PPP3CA: variants seen among roughly 807,000 people sequenced by gnomAD.
PPP3CA encodes the protein protein phosphatase 3 catalytic subunit alpha, also known as CAM-PRP catalytic subunit.
In PPP3CA, 14 loss-of-function variants were observed where a neutral mutation model predicts 66.5. The ratio of observed to expected loss-of-function variants is 0.21; its 90% confidence interval spans 0.14 to 0.33. The LOEUF is 0.33. Among genes scored for constraint, PPP3CA ranks in the 10% least tolerant of loss-of-function variants. The probability of loss-of-function intolerance (pLI) is 1.00; values close to 1 mark genes in which losing one functional copy is unlikely to be tolerated. For missense variants in PPP3CA, 317 were observed against 639.5 expected (o/e 0.50, Z 5.44); for synonymous variants, 232 against 226.2 (o/e 1.03, Z -0.23).
chr4:101,333,406 A>G (rs1167618824), intron 1 of PPP3CA, among the ~76,000 whole-genome samples: 1 of 148,676 alleles, frequency 6.7e-6, no homozygotes, highest in Non-Finnish European at 1.5e-5. Context: ...GATTACAGGC[A>G]TGAGCCACTG....
chr4:101,265,925 G>GA (rs938296977), intron 1 of PPP3CA, among the ~76,000 whole-genome samples: 9 of 150,886 alleles, frequency 6.0e-5, no homozygotes, highest in South Asian at 2.1e-4. Context: ...GCTCTACCTA[G>GA]AAAAAAAAAG....
At chr4:101,263,363 G>A (rs1727065363) in intron 1 of PPP3CA, among the ~76,000 whole-genome samples, 1 of 152,052 alleles carries the variant, frequency 6.6e-6, no homozygotes, top group Non-Finnish European at 1.5e-5. Flanking sequence ...CTAAGAGTGG[G>A]GTCTAGGCAT....
chr4:101,102,653 A>G (rs1730498491), intron 3 of PPP3CA, among the ~76,000 whole-genome samples: 1 of 152,204 alleles, frequency 6.6e-6, no homozygotes, highest in Non-Finnish European at 1.5e-5. Context: ...AACATTCTGA[A>G]GAACTGAAGA....
At chr4:101,148,968 A>G (rs753934674) in intron 2 of PPP3CA, among the ~76,000 whole-genome samples, 9 of 152,174 alleles carry the variant, frequency 5.9e-5, no homozygotes, top group Non-Finnish European at 2.9e-5. Context: ...ATTCTTTACT[A>G]GCATGCCATA....
chr4:101,095,635 G>GT (rs1730162241), intron 5 of PPP3CA, among the ~76,000 whole-genome samples: 1 of 152,170 alleles, frequency 6.6e-6, no homozygotes, highest in African/African-American at 2.4e-5. Context: ...GAATGAGCTA[G>GT]TTATATTCAT....
At chr4:101,039,637 T>C (rs1367052563) in intron 11 of PPP3CA, among the ~76,000 whole-genome samples, 1 of 144,070 alleles carries the variant, frequency 6.9e-6, no homozygotes, top group Non-Finnish European at 1.6e-5. Flanking sequence ...GTCATTCAGT[T>C]ACTCTTTAGT....
intron 1 of PPP3CA, among the ~76,000 whole-genome samples, chr4:101,229,207 A>G (rs924082899): frequency 6.6e-5 from 10 of 150,502 alleles, no homozygotes; most frequent in African/African-American, 2.2e-4. Context: ...TGAACACGAC[A>G]AGTGTAATAC....
rs553896428 is a variant in PPP3CA at position 101,115,240 on chromosome 4, T to C, written c.260-6162A>G. On this transcript the variant is annotated intron_variant, in intron 2 of 13. Transcript: ENST00000394854. The stretch of plus-strand genomic sequence containing the variant: ...AGTCTAAGAATCCCTAAAACCAGTG[T>C]GCTTCTAAGTAGAGAAGATAATAGC... Among the ~76,000 whole-genome samples, 8 of 152,076 alleles carry C rather than the reference T, an allele frequency of 5.3e-5. No homozygotes were observed. The South Asian group carries it at 1.7e-3, about 32-fold the overall frequency.
chr4:101,285,371 A>G (rs1727806807), intron 1 of PPP3CA, among the ~76,000 whole-genome samples: 1 of 151,874 alleles, frequency 6.6e-6, no homozygotes, highest in African/African-American at 2.4e-5. Context: ...CCTGCTAAAT[A>G]GATTTACATC....
At chr4:101,133,004 G>C (rs1268670985) in intron 2 of PPP3CA, among the ~76,000 whole-genome samples, 3 of 152,044 alleles carry the variant, frequency 2.0e-5, no homozygotes, top group Non-Finnish European at 4.4e-5. Context: ...AAAACCACAT[G>C]ATTATTTCAA....
chr4:101,249,851 A>C (rs964215557), intron 1 of PPP3CA, among the ~76,000 whole-genome samples: 8 of 152,130 alleles, frequency 5.3e-5, no homozygotes, highest in African/African-American at 1.9e-4. Flanking sequence ...ATATTATTTT[A>C]TATTTTGAAG....
chr4:101,129,701 C>G (rs930687792), intron 2 of PPP3CA, among the ~76,000 whole-genome samples: 1 of 152,194 alleles, frequency 6.6e-6, no homozygotes, highest in African/African-American at 2.4e-5. Flanking sequence ...ATAGCATCAA[C>G]ATCAACAAAA....
At chr4:101,335,250 T>C (rs1040372561) in intron 1 of PPP3CA, among the ~76,000 whole-genome samples, 27 of 151,968 alleles carry the variant, frequency 1.8e-4, no homozygotes, top group African/African-American at 6.5e-4. Context: ...CCAATTTTAC[T>C]ACATTTGCCA....
chr4:101,180,967 G>A (rs1047089164), intron 2 of PPP3CA, among the ~76,000 whole-genome samples: 2 of 151,982 alleles, frequency 1.3e-5, no homozygotes, highest in African/African-American at 4.8e-5. Flanking sequence ...TGGGAGGGTC[G>A]CTTTAGCCCA....
chr4:101,043,253 T>C lies in PPP3CA; in HGVS notation c.1157-2687A>G, dbSNP rs189392252. 1.3e-3 allele frequency among the ~76,000 whole-genome samples: 197 copies of C among 152,136 alleles called. 1 individual carries two copies. Among genetic ancestry groups the C allele is most frequent in the African/African-American group, 4.6e-3 (191 of 41,524 alleles). On this transcript the variant is annotated intron_variant, in intron 10 of 13. Transcript: ENST00000394854. Reference sequence around the variant, plus strand: ...GAATAATCTCACAGAAGATTTCTGATAAAAAACTTGTAAAAATCATAACTA... The same window carrying C: ...GAATAATCTCACAGAAGATTTCTGACAAAAAACTTGTAAAAATCATAACTA...
At chr4:101,200,217 G>T (rs566673899) in intron 1 of PPP3CA, among the ~76,000 whole-genome samples, 43 of 152,254 alleles carry the variant, frequency 2.8e-4, no homozygotes, top group African/African-American at 1.0e-3. Context: ...TTGCCATGGT[G>T]ACACCTTGAC....
intron 1 of PPP3CA, among the ~76,000 whole-genome samples, chr4:101,345,445 A>G (rs1729951505): frequency 6.6e-6 from 1 of 152,164 alleles, no homozygotes; most frequent in Non-Finnish European, 1.5e-5. Context: ...CTCTGGCCAC[A>G]TTAGATACCA....
intron 2 of PPP3CA, among the ~76,000 whole-genome samples, chr4:101,148,798 C>G (rs960401403): frequency 6.6e-6 from 1 of 152,056 alleles, no homozygotes; most frequent in Non-Finnish European, 1.5e-5. Flanking sequence ...AAGGTTCTCT[C>G]AAACATGTTA....
chr4:101,033,468 C>A (rs1039923033), intron 11 of PPP3CA, among the ~76,000 whole-genome samples: 1 of 152,130 alleles, frequency 6.6e-6, no homozygotes, highest in Non-Finnish European at 1.5e-5. Flanking sequence ...ATTAGCAGTT[C>A]CATCTTTTAG....
Sources: allele counts gnomAD v4.1 joint callset (sites outside exome capture counted in the v4.1 genomes callset), GRCh38; gene constraint gnomAD v4.1.1; transcripts MANE v1.5; gene names NCBI Gene and HGNC (gene_info 2026-07-23, HGNC 2026-07-21).